BIN1: variants seen among roughly 807,000 people sequenced by gnomAD.
BIN1 encodes myc box-dependent-interacting protein 1.
In BIN1, 53 loss-of-function variants were observed where a neutral mutation model predicts 82.0. The ratio of observed to expected loss-of-function variants is 0.65; its 90% CI spans 0.52 to 0.81. BIN1 has a LOEUF of 0.81. Among genes scored for constraint, BIN1 ranks in the 40% least tolerant of loss-of-function variants. The pLI is 0.00. For missense variants in BIN1, 642 were observed against 784.4 expected (o/e 0.82, Z 2.17); for synonymous variants, 302 against 328.0 (o/e 0.92, Z 0.86).
rs578250924 is a variant in BIN1 at position 127,066,933 on chromosome 2, C to T, written c.612+1230G>A. On this transcript the variant is annotated intron_variant, in intron 7 of 18. Coordinates refer to ENST00000316724, the MANE Select transcript of BIN1 (RefSeq NM_139343.3). ...AAAAAACGTAAAGATTAGCCAGGCA[C>T]GGCAATGCGTGCCTGTGGTCCCAGC... 8.0e-3 allele frequency among the ~76,000 whole-genome samples: 1,217 copies of T among 152,106 alleles called. 11 individuals are homozygous for T. The highest frequency in any genetic ancestry group is 0.013 in the Non-Finnish European group (910 of 67,966).
chr2:127,090,564 C>T lies in BIN1; in HGVS notation c.85-13858G>A, dbSNP rs372089467. 8.5e-5 allele frequency among the ~76,000 whole-genome samples: 13 copies of T among 152,354 alleles called. No homozygotes were observed. The highest frequency in any genetic ancestry group is 1.9e-4 in the East Asian group (1 of 5,186). On this transcript the variant is annotated intron_variant, in intron 1 of 18. Transcript: ENST00000316724. The surrounding 1 kb of genome is among the most constrained non-coding windows in gnomAD (Gnocchi z 6.4). ...CTCCAGGACACTGGCCATAAACACA[C>T]GGTGGAATCTGCTTCTCCAGCCCAC...
intron 1 of BIN1, among the ~76,000 whole-genome samples, chr2:127,104,934 A>G (rs1680843096): frequency 6.6e-6 from 1 of 152,224 alleles, no homozygotes; most frequent in Non-Finnish European, 1.5e-5. Flanking sequence ...GGCAGAGAGC[A>G]GCTGGAACAC....
intron 10 of BIN1, chr2:127,060,749 G>C: frequency 2.1e-6 from 3 of 1,409,050 alleles, no homozygotes; most frequent in Non-Finnish European, 3.0e-6. Context: ...AGGACAAAGG[G>C]GCAAAAGCCT....
intron 1 of BIN1, chr2:127,081,998 A>G: frequency 1.5e-6 from 1 of 666,502 alleles, no homozygotes; most frequent in South Asian, 6.6e-5. Flanking sequence ...AGGCAGGCAG[A>G]CACAGACAGA....
intron 1 of BIN1, among the ~76,000 whole-genome samples, chr2:127,102,701 C>T (rs937047363): frequency 1.7e-4 from 26 of 152,234 alleles, no homozygotes; most frequent in Non-Finnish European, 3.2e-4. Flanking sequence ...CTTCCAACCT[C>T]CCATGCCCAC....
intron 1 of BIN1, 50 bp from the exon 2 acceptor site, chr2:127,076,756 G>C (rs1161748755): frequency 6.2e-7 from 1 of 1,605,122 alleles, no homozygotes. Context: ...AAAGGAGAGT[G>C]GTCAAACCAA....
At chr2:127,081,192 G>C (rs1465391225) in intron 1 of BIN1, among the ~76,000 whole-genome samples, 1 of 152,230 alleles carries the variant, frequency 6.6e-6, no homozygotes, top group Non-Finnish European at 1.5e-5. Flanking sequence ...GAGGAAGGGT[G>C]CCCAGGCCTG....
intron 5 of BIN1, 113 bp from the exon 6 acceptor site, chr2:127,069,144 G>T: frequency 1.0e-6 from 1 of 954,366 alleles, no homozygotes; most frequent in Non-Finnish European, 1.6e-6. Context: ...AGCTCCACAG[G>T]AACCCTTGAG....
At chr2:127,094,498 G>C (rs919758773) in intron 1 of BIN1, among the ~76,000 whole-genome samples, 9 of 152,116 alleles carry the variant, frequency 5.9e-5, no homozygotes, top group African/African-American at 1.9e-4. Flanking sequence ...AGGAACCTGG[G>C]GGGGTCCCGC....
chr2:127,085,733 C>T (rs1678061285), intron 1 of BIN1, among the ~76,000 whole-genome samples: 1 of 152,212 alleles, frequency 6.6e-6, no homozygotes, highest in South Asian at 2.1e-4. Flanking sequence ...TCAGCTCACA[C>T]CCTCAGGGCT....
Position 127,070,025 on chromosome 2 carries a change from G to A in BIN1, c.381C>T (p.Asp127=), listed in dbSNP as rs969070480. ...TGTCGGGGAACTGGCCCAGGTACGT[G>A]TCCATGGTCAGCAGCGCCTGGTCCA... is the stretch of plus-strand genomic sequence containing the variant. ...KLVDQALLTM[D]TYLGQFPDIK... The change falls in exon 5 of 19, where the codon GAC becomes GAT. Residue 127 remains aspartate (D), a synonymous_variant. Transcript: ENST00000316724. 6.2e-7 allele frequency: 1 copy of A among 1,614,176 alleles called. No homozygotes were observed. The highest frequency in any genetic ancestry group is 2.2e-5 in the East Asian group (1 of 44,884).
At position 127,106,981 on chromosome 2, in the gene BIN1, C is replaced by T; in HGVS notation, c.-38G>A. On this transcript the variant is annotated 5_prime_UTR_variant, in exon 1 of 19. Coordinates refer to ENST00000316724, the MANE Select transcript of BIN1 (RefSeq NM_139343.3). ...CTCGCCCGGTGGCAGGGGCCGCTCTCGCGCGGGGAGATCTTGCGCGCCGCG... is the reference window on the plus strand; with the variant it reads ...CTCGCCCGGTGGCAGGGGCCGCTCTTGCGCGGGGAGATCTTGCGCGCCGCG... The T allele has an allele frequency of 4.4e-6, 7 of 1,585,480 alleles. No homozygotes were observed. The highest frequency in any genetic ancestry group is 6.0e-6 in the Non-Finnish European group (7 of 1,169,566).
chr2:127,052,401 G>A, intron 14 of BIN1, 39 bp from the exon 15 acceptor site: 1 of 1,532,612 alleles, frequency 6.5e-7, no homozygotes, highest in South Asian at 1.2e-5. Flanking sequence ...GGAGGGGGCG[G>A]GGAGGCCGGG....
rs754900286 is a variant in BIN1 at position 127,051,175 on chromosome 2, C to T, written c.1440G>A (p.Thr480=). 5.9e-5 allele frequency: 95 copies of T among 1,613,428 alleles called. No individual in the cohort carries two copies. The highest frequency in any genetic ancestry group is 7.6e-5 in the Non-Finnish European group (90 of 1,179,932). The change falls in exon 16 of 19, where the codon ACG becomes ACA. Residue 480 remains threonine, a synonymous_variant. Transcript: ENST00000316724. ...PAAGAQEPGE[T]AASEAASSSL... ...TTACGGAGGCTGCTTCACTTGCCGCCGTCTCCCCTGGCTCCTGGGCTCCAG... is the reference window on the plus strand; with the variant it reads ...TTACGGAGGCTGCTTCACTTGCCGCTGTCTCCCCTGGCTCCTGGGCTCCAG...
intron 1 of BIN1, among the ~76,000 whole-genome samples, chr2:127,094,362 G>A (rs1679310512): frequency 6.6e-6 from 1 of 152,200 alleles, no homozygotes; most frequent in South Asian, 2.1e-4. Flanking sequence ...CCTACTATGT[G>A]CCAGAAGCCA....
At chr2:127,098,272 C>T (rs1049844567) in intron 1 of BIN1, among the ~76,000 whole-genome samples, 1 of 152,144 alleles carries the variant, frequency 6.6e-6, no homozygotes, top group Non-Finnish European at 1.5e-5. Flanking sequence ...GAACGGAAGG[C>T]CTGAGCTCCA....
intron 1 of BIN1, among the ~76,000 whole-genome samples, chr2:127,079,802 T>C (rs1687066717): frequency 6.6e-6 from 1 of 152,214 alleles, no homozygotes; most frequent in Non-Finnish European, 1.5e-5. Flanking sequence ...ATCTGAGCTG[T>C]GGGCTTTGAG....
At chr2:127,062,872 A>G (rs1477967404) in intron 9 of BIN1, among the ~76,000 whole-genome samples, 2 of 152,244 alleles carry the variant, frequency 1.3e-5, no homozygotes, top group Non-Finnish European at 2.9e-5. Flanking sequence ...TCTAAAAGGC[A>G]GGAAACCGTA....
rs534553090 is a variant in BIN1 at position 127,090,380 on chromosome 2, C to T, written c.85-13674G>A. 9.5e-4 allele frequency among the ~76,000 whole-genome samples: 145 copies of T among 152,338 alleles called. No homozygotes were observed. The highest frequency in any genetic ancestry group is 3.4e-3 in the African/African-American group (140 of 41,588). Reference sequence around the variant, plus strand: ...CAGGCAGGCAGCAAGGGCATGGCCGCGGGGCATCAGTGACACAGGGCGACC... The same window carrying T: ...CAGGCAGGCAGCAAGGGCATGGCCGTGGGGCATCAGTGACACAGGGCGACC... On this transcript the variant is annotated intron_variant, in intron 1 of 18. Coordinates refer to ENST00000316724, the MANE Select transcript of BIN1 (RefSeq NM_139343.3). The surrounding 1 kb of genome is among the most constrained non-coding windows in gnomAD (Gnocchi z 6.4).
Sources: allele counts gnomAD v4.1 joint callset (sites outside exome capture counted in the v4.1 genomes callset), GRCh38; gene constraint gnomAD v4.1.1; non-coding constraint Gnocchi (gnomAD v3.1); transcripts MANE v1.5; gene names NCBI Gene and HGNC (gene_info 2026-07-23, HGNC 2026-07-21).